Variants in STK3 observed in about 807,000 individuals in gnomAD.
STK3 encodes the protein serine/threonine-protein kinase 3.
STK3 carries 41 observed loss-of-function variants against 58.0 expected under a neutral mutation model. The ratio of observed to expected loss-of-function variants is 0.71; its 90% CI spans 0.55 to 0.92. The LOEUF is 0.92. Among genes scored for constraint, STK3 ranks in the 40% least tolerant of loss-of-function variants. The pLI, the probability that STK3 is intolerant of heterozygous loss-of-function variation, is 0.00. For synonymous variants in STK3, 170 were observed against 191.0 expected (o/e 0.89, Z 0.91); for missense variants, 479 against 602.7 (o/e 0.79, Z 2.15).
chr8:98,375,065 C>T (rs947783200), intron 2 of STK3, among the ~76,000 whole-genome samples: 1 of 145,416 alleles, frequency 6.9e-6, no homozygotes, highest in African/African-American at 2.6e-5. Context: ...CATAGTGAGA[C>T]CCTGTGTCTA....
At chr8:98,410,643 G>A (rs956489653) in intron 3 of STK3, among the ~76,000 whole-genome samples, 6 of 152,218 alleles carry the variant, frequency 3.9e-5, no homozygotes, top group South Asian at 2.1e-4. Context: ...CTCTCTTGTC[G>A]ACAGTGTGTG....
At chr8:98,817,692 C>T (rs987749847) in intron 1 of STK3, among the ~76,000 whole-genome samples, 3 of 152,052 alleles carry the variant, frequency 2.0e-5, no homozygotes, top group East Asian at 3.9e-4. Context: ...CCCTCATTCC[C>T]CACATCTAGT....
chr8:98,749,232 A>C (rs754364441), intron 4 of STK3, 44 bp downstream of exon 4: 1 of 1,382,732 alleles, frequency 7.2e-7, no homozygotes, highest in Non-Finnish European at 1.0e-6. Flanking sequence ...CTAAAATATC[A>C]ATCTTTAGAA....
intron 3 of STK3, among the ~76,000 whole-genome samples, chr8:98,876,174 C>A (rs756327043): frequency 1.3e-5 from 2 of 152,188 alleles, no homozygotes; most frequent in Non-Finnish European, 2.9e-5. Context: ...TAGCCCCCTT[C>A]AGCCTTTGGG....
intron 7 of STK3, among the ~76,000 whole-genome samples, chr8:98,589,576 G>A (rs1262319872): frequency 6.6e-6 from 1 of 152,256 alleles, no homozygotes; most frequent in Non-Finnish European, 1.5e-5. Flanking sequence ...GCCCCCAGAG[G>A]TGGAGCCTAC....
chr8:98,908,824 C>T (rs1372320938), intron 1 of STK3, among the ~76,000 whole-genome samples: 1 of 102,722 alleles, frequency 9.7e-6, no homozygotes, highest in Non-Finnish European at 1.9e-5. Flanking sequence ...GCCTGGGGGA[C>T]AAGAGAGAGA....
intron 8 of STK3, among the ~76,000 whole-genome samples, chr8:98,559,339 T>C (rs1358364541): frequency 1.3e-5 from 2 of 152,148 alleles, no homozygotes; most frequent in Non-Finnish European, 2.9e-5. Context: ...TATAGTTTAA[T>C]GGGGAGTTAC....
chr8:98,765,084 T>C (rs572272256), intron 3 of STK3, among the ~76,000 whole-genome samples: 3 of 152,332 alleles, frequency 2.0e-5, no homozygotes, highest in Non-Finnish European at 2.9e-5. Flanking sequence ...AATAGTAATA[T>C]TTGAGACCCT....
intron 10 of STK3, among the ~76,000 whole-genome samples, chr8:98,524,287 G>A (rs1048806814): frequency 6.6e-6 from 1 of 152,160 alleles, no homozygotes; most frequent in Non-Finnish European, 1.5e-5. Context: ...GGAAACATGA[G>A]ATCTTCAATT....
At chr8:98,432,250 C>T (rs1480725710) in intron 3 of STK3, 1 of 166,988 alleles carries the variant, frequency 6.0e-6, no homozygotes, top group Admixed American at 6.5e-5. Context: ...TGTAAACCTC[C>T]TTTAGGGGGA....
intron 3 of STK3, among the ~76,000 whole-genome samples, chr8:98,854,319 A>T (rs1782463716): frequency 6.6e-6 from 1 of 151,930 alleles, no homozygotes; most frequent in Non-Finnish European, 1.5e-5. Context: ...TTATATTTTT[A>T]ATAGAGATGG....
rs189790271 is a variant in STK3 at position 98,757,465 on chromosome 8, T to G, written c.237-8075A>C. ...AAAAAATTAGCCGGGCCTGGTGGCA[T>G]GCACCTGTAATCCCAGCTACTCAGG... On this transcript the variant is annotated intron_variant, in intron 3 of 10. Coordinates refer to ENST00000419617, the MANE Select transcript of STK3 (RefSeq NM_006281.4). Among the ~76,000 whole-genome samples, 49 of 149,414 alleles carry G rather than the reference T, an allele frequency of 3.3e-4. 1 individual carries two copies. The South Asian group carries it at 0.01, about 32-fold the overall frequency.
At chr8:98,505,429 C>T (rs1823981397) in intron 10 of STK3, among the ~76,000 whole-genome samples, 1 of 152,164 alleles carries the variant, frequency 6.6e-6, no homozygotes, top group Non-Finnish European at 1.5e-5. Flanking sequence ...AGTTTTGTTC[C>T]ATTGCTGGTG....
chr8:98,718,057 A>G (rs1195339399), intron 4 of STK3, among the ~76,000 whole-genome samples: 1 of 152,228 alleles, frequency 6.6e-6, no homozygotes, highest in African/African-American at 2.4e-5. Context: ...GAGGTAGCAC[A>G]CAATGGACAG....
intron 1 of STK3, among the ~76,000 whole-genome samples, chr8:98,793,549 C>T (rs1832943631): frequency 6.6e-6 from 1 of 152,040 alleles, no homozygotes; most frequent in East Asian, 1.9e-4. Flanking sequence ...CAAACAAATA[C>T]TTCTAGACCT....
chr8:98,425,868 G>C (rs1818226617), intron 3 of STK3, among the ~76,000 whole-genome samples: 1 of 152,204 alleles, frequency 6.6e-6, no homozygotes, highest in Non-Finnish European at 1.5e-5. Flanking sequence ...GGCATTCCCA[G>C]GACTTCTGAC....
At chr8:98,619,165 C>T (rs201456847) in intron 6 of STK3, among the ~76,000 whole-genome samples, 34 of 150,754 alleles carry the variant, frequency 2.3e-4, no homozygotes, top group Non-Finnish European at 3.2e-4. Context: ...ACGCCGCATA[C>T]CTACAACTAT....
At chr8:98,753,632 AAAAT>A (rs539606396) in intron 3 of STK3, among the ~76,000 whole-genome samples, 9 of 152,290 alleles carry the variant, frequency 5.9e-5, no homozygotes, top group East Asian at 1.9e-4. Flanking sequence ...ATAAAAGTTA[AAAAT>A]AAATAAATAA....
chr8:98,478,399 T>A (rs1821550512), intron 10 of STK3, among the ~76,000 whole-genome samples: 1 of 152,116 alleles, frequency 6.6e-6, no homozygotes, highest in South Asian at 2.1e-4. Flanking sequence ...GGGCTTAAGA[T>A]CCATCGAGTT....
Sources: gnomAD v4.1 joint callset for allele counts (sites outside exome capture counted in the v4.1 genomes callset) on GRCh38, gnomAD v4.1.1 for gene constraint, MANE v1.5 for transcripts, NCBI Gene and HGNC (gene_info 2026-07-23, HGNC 2026-07-21) for gene names.